Variants in BCLAF3 observed in about 807,000 individuals in gnomAD.
The protein encoded by BCLAF3 is BCLAF1 and THRAP3 family member 3.
BCLAF3 carries 24 observed loss-of-function variants against 51.2 expected under a neutral mutation model. The observed-to-expected ratio is 0.47, with a 90% CI of 0.34 to 0.66. The LOEUF (loss-of-function observed/expected upper bound fraction) is 0.66. BCLAF3 is among the 30% of genes least tolerant of loss of function. The pLI is 0.01. For missense variants in BCLAF3, 465 were observed against 525.1 expected, an observed-to-expected ratio of 0.89 and a Z score of 1.12; for synonymous variants, 152 against 176.6, an observed-to-expected ratio of 0.86 and a Z score of 1.10.
rs900269760 is a variant in BCLAF3 at position 19,915,998 on chromosome X, C to A, written c.*1307G>T. 1 of 111,594 alleles carries A rather than the reference C, an allele frequency of 9.0e-6. No individual in the cohort carries two copies. The highest frequency in any genetic ancestry group is 3.3e-5 in the African/African-American group (1 of 30,733). 9.2% of individuals were successfully genotyped at this position (111,594 alleles called of 1,213,427 possible). On this transcript the variant is annotated 3_prime_UTR_variant, in exon 12 of 12. Transcript: ENST00000379682. ...GCAATGAATCAAGTGCACTTGCCCCCCTTATCATGAACTCACTTAAGGAAA... is the reference window on the plus strand; with the variant it reads ...GCAATGAATCAAGTGCACTTGCCCCACTTATCATGAACTCACTTAAGGAAA...
intron 1 of BCLAF3, among the ~76,000 whole-genome samples, chrX:19,984,879 G>T (rs1319700320): frequency 9.0e-6 from 1 of 111,008 alleles, no homozygotes; most frequent in Non-Finnish European, 1.9e-5. Flanking sequence ...TAGAGACGGG[G>T]TTTCTCCATG....
chrX:19,986,915 C>T (rs1322952409), intron 1 of BCLAF3, among the ~76,000 whole-genome samples: 2 of 107,656 alleles, frequency 1.9e-5, no homozygotes, highest in Non-Finnish European at 3.8e-5. Flanking sequence ...GTGATCCTCT[C>T]GCTTCAGTCT....
At chrX:19,928,808 G>A (rs2070446420) in intron 11 of BCLAF3, among the ~76,000 whole-genome samples, 1 of 110,980 alleles carries the variant, frequency 9.0e-6, no homozygotes, top group South Asian at 3.8e-4. Context: ...TATGTTAAGT[G>A]AAATAAGCCA....
intron 10 of BCLAF3, chrX:19,930,650 A>G: frequency 5.3e-6 from 1 of 187,552 alleles, no homozygotes; most frequent in South Asian, 6.7e-5. Flanking sequence ...TGACAGAGCG[A>G]GACCCTGTCT....
chrX:19,945,107 C>G (rs2071218100), intron 8 of BCLAF3, among the ~76,000 whole-genome samples: 1 of 110,753 alleles, frequency 9.0e-6, no homozygotes, highest in South Asian at 3.8e-4. Flanking sequence ...AGTTCTCAAG[C>G]CTTGGTTTTC....
intron 1 of BCLAF3, among the ~76,000 whole-genome samples, chrX:19,982,549 TCACACACACACA>T (rs60433883): frequency 6.4e-4 from 62 of 97,189 alleles, no homozygotes; most frequent in Admixed American, 1.1e-3. Flanking sequence ...AGATGCAATT[TCACACACACACA>T]CACACACACA....
chrX:19,976,877 C>A (rs1420604623), intron 1 of BCLAF3, among the ~76,000 whole-genome samples: 3 of 111,583 alleles, frequency 2.7e-5, no homozygotes, highest in African/African-American at 9.8e-5. Context: ...CTGCATTGAA[C>A]GAGTCTATCA....
intron 1 of BCLAF3, among the ~76,000 whole-genome samples, chrX:19,988,889 A>T (rs1475632141): frequency 1.8e-5 from 2 of 111,880 alleles, no homozygotes; most frequent in Non-Finnish European, 3.8e-5. Flanking sequence ...AGCTTTCTTT[A>T]CCAAAATAGT....
At chrX:19,921,160 G>A (rs746417445) in intron 11 of BCLAF3, among the ~76,000 whole-genome samples, 1 of 111,640 alleles carries the variant, frequency 9.0e-6, no homozygotes, top group Non-Finnish European at 1.9e-5. Flanking sequence ...TTTTCTTGTA[G>A]GCAATAAAAT....
At chrX:19,948,339 T>C (rs2071375501) in intron 8 of BCLAF3, among the ~76,000 whole-genome samples, 1 of 112,463 alleles carries the variant, frequency 8.9e-6, no homozygotes, top group South Asian at 3.6e-4. Context: ...GAGAATACGA[T>C]ATAGCCATAC....
intron 8 of BCLAF3, among the ~76,000 whole-genome samples, chrX:19,939,859 A>G (rs2070933255): frequency 8.9e-6 from 1 of 112,174 alleles, no homozygotes; most frequent in African/African-American, 3.2e-5. Flanking sequence ...GATTCTACTT[A>G]TATCAGATAC....
chrX:19,934,320 C>A, intron 10 of BCLAF3, among the ~76,000 whole-genome samples: 1 of 111,979 alleles, frequency 8.9e-6, no homozygotes, highest in Non-Finnish European at 1.9e-5. Flanking sequence ...TCAACTATAT[C>A]TGACCAATGA....
intron 11 of BCLAF3, chrX:19,918,178 G>A (rs1249391641): frequency 5.4e-5 from 6 of 111,613 alleles, no homozygotes; most frequent in African/African-American, 2.0e-4. Flanking sequence ...CAAAAACAGT[G>A]CTGATAGAAA....
chrX:19,961,111 C>A (rs1234703640), intron 4 of BCLAF3, among the ~76,000 whole-genome samples: 1 of 112,309 alleles, frequency 8.9e-6, no homozygotes, highest in Non-Finnish European at 1.9e-5. Flanking sequence ...TCAAGCCCAA[C>A]ATTAAACTAA....
In BCLAF3 at chrX:19,955,414, A is replaced by C; in HGVS notation, c.1427T>G (p.Ile476Arg). ...ACCTTTAACTTGATGGATTATTGTTATGATTTCCTGAGCAAATTCTCCTGT... is the reference window on the plus strand; with the variant it reads ...ACCTTTAACTTGATGGATTATTGTTCTGATTTCCTGAGCAAATTCTCCTGT... ...KPTGEFAQEI[I>R]TIIHQVKANY... Residue 476 changes from isoleucine to arginine, a missense_variant, in exon 5 of 12, where the codon ATA becomes AGA. By Grantham distance (97) the Ile-to-Arg change is moderately conservative. Coordinates refer to ENST00000379682, the MANE Select transcript of BCLAF3 (RefSeq NM_001367774.2). 1 of 1,197,922 alleles carries C rather than the reference A, an allele frequency of 8.3e-7. No individual in the cohort carries two copies. Among genetic ancestry groups the C allele is most frequent in the Non-Finnish European group, 1.1e-6 (1 of 890,297 alleles).
intron 2 of BCLAF3, among the ~76,000 whole-genome samples, chrX:19,967,852 G>C (rs1007953744): frequency 8.9e-6 from 1 of 112,194 alleles, no homozygotes; most frequent in African/African-American, 3.2e-5. Flanking sequence ...GTACCTACTA[G>C]GAGTTATATA....
chrX:19,948,216 C>T (rs902389338), intron 8 of BCLAF3, among the ~76,000 whole-genome samples: 2 of 111,542 alleles, frequency 1.8e-5, no homozygotes, highest in African/African-American at 6.5e-5. Context: ...TGAAGAGAAA[C>T]GAAAACAGGT....
chrX:19,917,443 C>T, intron 11 of BCLAF3, 109 bp from the exon 12 acceptor site: 2 of 658,288 alleles, frequency 3.0e-6, no homozygotes, highest in Non-Finnish European at 4.8e-6. Context: ...TACAGTGTTA[C>T]TTGCACCCCG....
intron 9 of BCLAF3, 150 bp downstream of exon 9, chrX:19,937,268 T>C (rs2070802167): frequency 6.5e-6 from 3 of 461,514 alleles, no homozygotes; most frequent in Non-Finnish European, 1.2e-5. Flanking sequence ...CCATTTCTTC[T>C]GTCATAATAA....
Sources: allele counts gnomAD v4.1 joint callset (sites outside exome capture counted in the v4.1 genomes callset), GRCh38; gene constraint gnomAD v4.1.1; transcripts MANE v1.5; gene names NCBI Gene and HGNC (gene_info 2026-07-23, HGNC 2026-07-21).